Variants in ADGRL1 observed in about 807,000 individuals in gnomAD.
ADGRL1 encodes CIRL-1.
ADGRL1 carries 31 observed loss-of-function variants against 148.9 expected under a neutral mutation model. The observed-to-expected ratio is 0.21, with a 90% CI of 0.16 to 0.28. The LOEUF is 0.28. ADGRL1 is among the 10% of genes least tolerant of loss of function. ADGRL1 has a pLI of 1.00. For missense variants in ADGRL1, 1,521 were observed against 2,058.8 expected (o/e 0.74, Z 5.05); for synonymous variants, 937 against 900.3 (o/e 1.04, Z -0.73).
chr19:14,167,915 C>T (rs556273637), intron 4 of ADGRL1, among the ~76,000 whole-genome samples: 33 of 152,090 alleles, frequency 2.2e-4, no homozygotes, highest in Admixed American at 5.9e-4. Flanking sequence ...CCGCCCTGCC[C>T]GCTGCCCTGC....
chr19:14,198,760 G>C (rs1599523085), intron 1 of ADGRL1, among the ~76,000 whole-genome samples: 2 of 152,206 alleles, frequency 1.3e-5, no homozygotes, highest in East Asian at 3.9e-4. Flanking sequence ...CTCTCTCACA[G>C]ATGCTCCTTC....
intron 1 of ADGRL1, among the ~76,000 whole-genome samples, chr19:14,187,817 C>A (rs1165020926): frequency 6.6e-6 from 1 of 152,102 alleles, no homozygotes; most frequent in Non-Finnish European, 1.5e-5. Flanking sequence ...AACTGCCCAG[C>A]CACAGAAAGG....
At chr19:14,174,437 C>A (rs1970680872) in intron 3 of ADGRL1, among the ~76,000 whole-genome samples, 1 of 152,062 alleles carries the variant, frequency 6.6e-6, no homozygotes, top group Non-Finnish European at 1.5e-5. Context: ...CCCAGCCCAG[C>A]CCAGCTATCT....
chr19:14,153,214 G>A (rs921676522), intron 18 of ADGRL1, among the ~76,000 whole-genome samples: 1 of 152,070 alleles, frequency 6.6e-6, no homozygotes, highest in African/African-American at 2.4e-5. Flanking sequence ...CTATGTGCCA[G>A]GCACAATTTA....
At chr19:14,191,642 C>G (rs867238466) in intron 1 of ADGRL1, 11 of 371,998 alleles carry the variant, frequency 3.0e-5, no homozygotes, top group Middle Eastern at 1.8e-3. Flanking sequence ...TATATCCTCA[C>G]AGGGCCTCTT....
intron 4 of ADGRL1, chr19:14,167,114 A>C: frequency 8.2e-7 from 1 of 1,217,006 alleles, no homozygotes; most frequent in Non-Finnish European, 1.2e-6. Context: ...AAGAGATTAA[A>C]TTGCTTTCGT....
intron 2 of ADGRL1, among the ~76,000 whole-genome samples, 168 bp downstream of exon 2, chr19:14,183,365 G>T (rs190674795): frequency 1.6e-3 from 237 of 152,272 alleles, no homozygotes; most frequent in African/African-American, 3.7e-3. Context: ...TGGCACTGGG[G>T]TGTGTGTTAC....
chr19:14,154,912 C>A (rs1363675509), intron 18 of ADGRL1, among the ~76,000 whole-genome samples: 1 of 152,142 alleles, frequency 6.6e-6, no homozygotes, highest in East Asian at 1.9e-4. Context: ...CCACCGTGTC[C>A]GGACTGTATG....
At position 14,155,754 on chromosome 19, in the gene ADGRL1, A is replaced by G. The variant is rs1968664924; in HGVS notation, c.3126-227T>C. On this transcript the variant is annotated intron_variant, in intron 17 of 22. Transcript: ENST00000361434. The surrounding 1 kb of genome is among the most constrained non-coding windows in gnomAD (Gnocchi z 5.0). Reference sequence around the variant, plus strand: ...GGTCAGGGGTCGGGGTATTGTGAACATCAGTTATTCCTCTGCCAACTTCAT... The same window carrying G: ...GGTCAGGGGTCGGGGTATTGTGAACGTCAGTTATTCCTCTGCCAACTTCAT... 3 of 583,658 alleles carry G rather than the reference A, an allele frequency of 5.1e-6. No homozygotes were observed. The Admixed American group carries it at 9.2e-5, about 18-fold the overall frequency. 36.2% of individuals were successfully genotyped at this position (583,658 alleles called of 1,614,324 possible).
chr19:14,175,418 C>A (rs1468376228), intron 3 of ADGRL1, among the ~76,000 whole-genome samples: 1 of 151,562 alleles, frequency 6.6e-6, no homozygotes, highest in Non-Finnish European at 1.5e-5. Context: ...TCCACCTCAC[C>A]ACTCACAGAT....
Position 14,155,808 on chromosome 19 carries a change from G to C in ADGRL1, c.3126-281C>G, listed in dbSNP as rs2144653925. 1.7e-6 allele frequency: 1 copy of C among 578,600 alleles called. No homozygotes were observed. Among genetic ancestry groups the C allele is most frequent in the South Asian group, 2.1e-5 (1 of 47,268 alleles). The allele number at this position is 578,600 out of a possible 1,614,324, so 35.8% of individuals were successfully genotyped here. ...TTCTGCTAAATTTCCAGACCACTTA[G>C]GCTATATTTGCTGCCTATTTCTCTT... On this transcript the variant is annotated intron_variant, in intron 17 of 22. Coordinates refer to ENST00000361434, the MANE Select transcript of ADGRL1 (RefSeq NM_014921.5). The surrounding 1 kb of genome is among the most constrained non-coding windows in gnomAD (Gnocchi z 5.0).
In ADGRL1 at chr19:14,157,562, G is replaced by T. The variant is rs78123217; in HGVS notation, c.2536-102C>A. The T allele has an allele frequency of 5.0e-6, 6 of 1,207,262 alleles. No individual in the cohort carries two copies. The highest frequency in any genetic ancestry group is 6.0e-6 in the Non-Finnish European group (5 of 838,418). The allele number at this position is 1,207,262 out of a possible 1,614,324, so 74.8% of individuals were successfully genotyped here. A position where few individuals can be genotyped will look rare whatever the true frequency, so the allele number is the denominator to read the frequency against. ...AGGGCCCTGGGCAAGGCCATGGGCC[G>T]TGAGGACCTCTGGTGCCGCCAACCT... On this transcript the variant is annotated intron_variant, in intron 13 of 22. Transcript: ENST00000361434. This position sits in a 1 kb window ranked among gnomAD's most constrained non-coding sequence, Gnocchi z 7.5.
At position 14,156,661 on chromosome 19, in the gene ADGRL1, G is replaced by A. The variant is rs1415766002; in HGVS notation, c.3030C>T (p.Ile1010=). Residue 1010 remains isoleucine (I), a synonymous_variant, in exon 16 of 23, where the codon ATC becomes ATT. Transcript: ENST00000361434. ...WSFIGPVSFV[I]VVNLVFLMVT... is the part of the protein sequence containing the mutation. ...GGGGTGTCACCTCCCAACTCACCAC[G>A]ATAACGAAGGAGACTGGCCCGATGA... 12 of 1,610,782 alleles carry A rather than the reference G, an allele frequency of 7.4e-6. No homozygotes were observed. Among genetic ancestry groups the A allele is most frequent in the Admixed American group, 6.7e-5 (4 of 59,814 alleles).
rs771178719 is a variant in ADGRL1 at position 14,159,365 on chromosome 19, G to A, written c.2023+36C>T. 1.6e-5 allele frequency: 25 copies of A among 1,583,748 alleles called. No homozygotes were observed. The highest frequency in any genetic ancestry group is 1.4e-4 in the Admixed American group (8 of 58,166). On this transcript the variant is annotated intron_variant, in intron 10 of 22. Transcript: ENST00000361434. The surrounding 1 kb of genome is among the most constrained non-coding windows in gnomAD (Gnocchi z 6.0). ...GCCAGAACCCCGTGGTTTAAGGTTC[G>A]TATCTGAGTTTGCCCTGGGTGACTG...
At chr19:14,163,607 G>A (rs898897654) in intron 4 of ADGRL1, among the ~76,000 whole-genome samples, 5 of 152,062 alleles carry the variant, frequency 3.3e-5, no homozygotes, top group Non-Finnish European at 5.9e-5. Context: ...GGGGGTTTCC[G>A]GGCTGGGACC....
At chr19:14,173,910 C>T (rs1248006518) in intron 3 of ADGRL1, among the ~76,000 whole-genome samples, 1 of 143,410 alleles carries the variant, frequency 7.0e-6, no homozygotes, top group Admixed American at 7.2e-5. Context: ...CATGCCACTG[C>T]ACTCCAGCCT....
At chr19:14,189,499 G>A (rs1971798818) in intron 1 of ADGRL1, among the ~76,000 whole-genome samples, 1 of 152,128 alleles carries the variant, frequency 6.6e-6, no homozygotes, top group African/African-American at 2.4e-5. Context: ...TAAAGTGCTG[G>A]GATTACGGCT....
At chr19:14,197,884 T>C (rs1453778932) in intron 1 of ADGRL1, among the ~76,000 whole-genome samples, 1 of 152,158 alleles carries the variant, frequency 6.6e-6, no homozygotes, top group South Asian at 2.1e-4. Flanking sequence ...ATCTATTCAG[T>C]GGATGTTTAC....
chr19:14,205,452 G>A (rs1406985843), intron 1 of ADGRL1, among the ~76,000 whole-genome samples: 3 of 151,780 alleles, frequency 2.0e-5, no homozygotes, highest in Non-Finnish European at 4.4e-5. Flanking sequence ...GCCTCCCAGA[G>A]AAAAACAACC....
Sources: gnomAD v4.1 joint callset for allele counts (sites outside exome capture counted in the v4.1 genomes callset) on GRCh38, gnomAD v4.1.1 for gene constraint, Gnocchi (gnomAD v3.1) non-coding constraint, MANE v1.5 for transcripts, NCBI Gene and HGNC (gene_info 2026-07-23, HGNC 2026-07-21) for gene names.